Variants in SEMA4D observed in about 807,000 individuals in gnomAD.
SEMA4D encodes the protein semaphorin 4D.
SEMA4D carries 22 observed loss-of-function variants against 74.8 expected under a neutral mutation model. That is an observed-to-expected ratio of 0.29 (90% confidence interval 0.21 to 0.42). The LOEUF (loss-of-function observed/expected upper bound fraction) is 0.42, where lower values mean the gene tolerates loss of function less well. SEMA4D is among the 10% of genes least tolerant of loss of function. The probability of loss-of-function intolerance (pLI) is 1.00; values close to 1 mark genes in which losing one functional copy is unlikely to be tolerated. For synonymous variants in SEMA4D, 445 were observed against 463.7 expected, an observed-to-expected ratio of 0.96 and a Z score of 0.52; for missense variants, 937 against 1,118.4, an observed-to-expected ratio of 0.84 and a Z score of 2.31.
Position 89,404,824 on chromosome 9 carries a change from G to A in SEMA4D, c.106+527C>T, listed in dbSNP as rs184945658. 6.1e-3 allele frequency among the ~76,000 whole-genome samples: 658 copies of A among 108,118 alleles called. 9 individuals carry two copies. Among genetic ancestry groups the A allele is most frequent in the African/African-American group, 0.022 (613 of 27,346 alleles). The allele number at this position is 108,118 out of a possible 152,430, so 70.9% of individuals were successfully genotyped here. A position where few individuals can be genotyped will look rare whatever the true frequency, so the allele number is the denominator to read the frequency against. ...CTCACCTCAGCATCCCAGGAAGTGG[G>A]GTCCCCATCCCATCCTCAGCCACCC... is the stretch of plus-strand genomic sequence containing the variant. On this transcript the variant is annotated intron_variant, in intron 3 of 15. Transcript: ENST00000422704.
intron 9 of SEMA4D, 80 bp downstream of exon 9, chr9:89,391,184 G>C (rs965812013): frequency 7.2e-7 from 1 of 1,398,382 alleles, no homozygotes; most frequent in African/African-American, 1.4e-5. Context: ...CATTTGAGAC[G>C]AAGGTCAGGA....
chr9:89,468,934 G>T (rs755927695), intron 1 of SEMA4D, among the ~76,000 whole-genome samples: 1 of 152,076 alleles, frequency 6.6e-6, no homozygotes, highest in Non-Finnish European at 1.5e-5. Context: ...TCCCCAAGGG[G>T]TACCATGTAA....
intron 1 of SEMA4D, among the ~76,000 whole-genome samples, chr9:89,463,035 G>C (rs1279261523): frequency 7.5e-6 from 1 of 133,556 alleles, no homozygotes; most frequent in East Asian, 2.7e-4. Flanking sequence ...GAACAAAAGG[G>C]TCTGTACTCT....
chr9:89,402,745 G>T (rs1842478284), intron 4 of SEMA4D, 126 bp downstream of exon 4: 8 of 1,014,302 alleles, frequency 7.9e-6, no homozygotes, highest in Non-Finnish European at 7.2e-6. Flanking sequence ...CCAAAGATGG[G>T]GCTGCATGGT....
chr9:89,419,501 G>A (rs1846449542), intron 2 of SEMA4D, among the ~76,000 whole-genome samples: 1 of 152,164 alleles, frequency 6.6e-6, no homozygotes, highest in South Asian at 2.1e-4. Context: ...CACACGGGAG[G>A]GAGAGGGGAC....
chr9:89,426,102 G>A (rs1223213442), intron 2 of SEMA4D, among the ~76,000 whole-genome samples: 2 of 152,226 alleles, frequency 1.3e-5, no homozygotes, highest in African/African-American at 2.4e-5. Context: ...GGGAGCGCAT[G>A]CAGTTTCTCC....
In SEMA4D at chr9:89,450,660, GAA is replaced by G. The variant is rs71358578; in HGVS notation, c.-244+5226_-244+5227del. 8.0e-4 allele frequency: 343 copies of G among 430,108 alleles called. 7 individuals are homozygous for G. Among genetic ancestry groups the G allele is most frequent in the East Asian group, 4.5e-3 (43 of 9,494 alleles). The allele number at this position is 430,108 out of a possible 1,614,324, so 26.6% of individuals were successfully genotyped here. ...GAGTTCTGCAAGTCGAAAAACCCAGGAAAAAAAAAAAAAAAAAAAAAAAAAAA... is the reference window on the plus strand; with the variant it reads ...GAGTTCTGCAAGTCGAAAAACCCAGGAAAAAAAAAAAAAAAAAAAAAAAAA... On this transcript the variant is annotated intron_variant, in intron 2 of 15. Transcript: ENST00000422704.
chr9:89,433,110 T>A (rs1406503668), intron 2 of SEMA4D, among the ~76,000 whole-genome samples: 1 of 152,222 alleles, frequency 6.6e-6, no homozygotes, highest in Non-Finnish European at 1.5e-5. Context: ...TGCTGGTGCA[T>A]CCTGGGCACA....
chr9:89,476,766 C>A lies in SEMA4D; in HGVS notation c.-309-20813G>T, dbSNP rs1479455042. On this transcript the variant is annotated intron_variant, in intron 1 of 15. Coordinates refer to ENST00000422704, the MANE Select transcript of SEMA4D (RefSeq NM_001371194.2). ...TCAATCAGGGACATGGCAAAGGTATCACGCCAGGCTCCAGAGATGCCTCCA... is the reference window on the plus strand; with the variant it reads ...TCAATCAGGGACATGGCAAAGGTATAACGCCAGGCTCCAGAGATGCCTCCA... 2.0e-5 allele frequency among the ~76,000 whole-genome samples: 3 copies of A among 152,324 alleles called. No individual in the cohort carries two copies. In the East Asian group the frequency reaches 5.8e-4, roughly 29 times the overall value.
chr9:89,383,221 T>C (rs1837593876), intron 13 of SEMA4D, among the ~76,000 whole-genome samples: 2 of 152,154 alleles, frequency 1.3e-5, no homozygotes, highest in African/African-American at 4.8e-5. Flanking sequence ...TAAGCATGAA[T>C]GACTGTGGGG....
chr9:89,479,342 A>G (rs910190954), intron 1 of SEMA4D, among the ~76,000 whole-genome samples: 6 of 152,112 alleles, frequency 3.9e-5, no homozygotes, highest in African/African-American at 1.4e-4. Flanking sequence ...TGTTTTAAAA[A>G]CTACAGCTTT....
intron 1 of SEMA4D, among the ~76,000 whole-genome samples, chr9:89,489,704 A>C (rs1275922479): frequency 6.6e-6 from 1 of 152,246 alleles, no homozygotes; most frequent in African/African-American, 2.4e-5. Flanking sequence ...TTATGGCTGA[A>C]TCATAGGCCA....
rs558682371 is a variant in SEMA4D, at chr9:89,445,541, G to A, written c.-244+10347C>T. ...TCTTCCAGTTTCTGGTGGCAGCAGC[G>A]TTCCTTGCTTTGTGGTTCTTTGGTT... On this transcript the variant is annotated intron_variant, in intron 2 of 15. Coordinates refer to ENST00000422704, the MANE Select transcript of SEMA4D (RefSeq NM_001371194.2). 2.5e-4 allele frequency among the ~76,000 whole-genome samples: 38 copies of A among 152,190 alleles called. 1 individual carries two copies. The highest frequency in any genetic ancestry group is 8.2e-4 in the African/African-American group (34 of 41,550).
chr9:89,466,761 G>C (rs1343279940), intron 1 of SEMA4D, among the ~76,000 whole-genome samples: 4 of 152,202 alleles, frequency 2.6e-5, no homozygotes, highest in East Asian at 3.8e-4. Context: ...AGTTGTCCTT[G>C]TGTGCAGCAG....
intron 1 of SEMA4D, among the ~76,000 whole-genome samples, chr9:89,482,649 G>GT (rs1824813578): frequency 6.6e-6 from 1 of 152,212 alleles, no homozygotes; most frequent in South Asian, 2.1e-4. Context: ...GCTTGGCAAA[G>GT]TGTTTTTCCG....
At chr9:89,450,660 GAAAAAAAAAAA>G (rs71358578) in intron 2 of SEMA4D, 113,612 of 426,590 alleles carry the variant, frequency 0.27, 6,610 homozygotes, top group Non-Finnish European at 0.3. Flanking sequence ...AAAAACCCAG[GAAAAAAAAAAA>G]AAAAAAAAAA....
chr9:89,400,821 C>T (rs190179046), intron 4 of SEMA4D, among the ~76,000 whole-genome samples: 225 of 152,162 alleles, frequency 1.5e-3, no homozygotes, highest in Middle Eastern at 3.4e-3. Context: ...CAAGCCTCTC[C>T]CCAACCCCGA....
chr9:89,392,376 C>T (rs374401499), intron 8 of SEMA4D, 47 bp downstream of exon 8: 56 of 1,384,076 alleles, frequency 4.0e-5, no homozygotes, highest in Non-Finnish European at 5.6e-5. Context: ...GGTGTGCACT[C>T]ATGAGGAGAC....
In SEMA4D at chr9:89,422,920, T is replaced by C. The variant is rs535000112; in HGVS notation, c.-243-17221A>G. 1.3e-4 allele frequency among the ~76,000 whole-genome samples: 20 copies of C among 152,318 alleles called. No individual in the cohort carries two copies. The South Asian group carries it at 3.7e-3, about 28-fold the overall frequency. ...AAGACACAAGTGCTGGGATCTTTAG[T>C]AGTCGTTACAACCTGTATAACCATT... is the stretch of plus-strand genomic sequence containing the variant. On this transcript the variant is annotated intron_variant, in intron 2 of 15. Coordinates refer to ENST00000422704, the MANE Select transcript of SEMA4D (RefSeq NM_001371194.2).
Sources: allele counts gnomAD v4.1 joint callset (sites outside exome capture counted in the v4.1 genomes callset), GRCh38; gene constraint gnomAD v4.1.1; transcripts MANE v1.5; gene names NCBI Gene and HGNC (gene_info 2026-07-23, HGNC 2026-07-21).